The following RBPMS variants were observed in gnomAD, a reference collection of about 807,000 sequenced individuals.
RBPMS encodes RNA-binding protein with multiple splicing.
A neutral mutation model predicts 26.8 loss-of-function variants in RBPMS; 7 were observed. That is an observed-to-expected ratio of 0.26 (90% CI 0.15 to 0.49). The LOEUF is 0.49. Ranked by LOEUF, RBPMS falls within the 20% of genes least tolerant of loss-of-function variation. The pLI is 0.98. For missense variants in RBPMS, 186 were observed against 250.0 expected (o/e 0.74, Z 1.73); for synonymous variants, 96 against 93.3 (o/e 1.03, Z -0.17).
In RBPMS at chr8:30,434,373, T is replaced by C. The variant is rs534745210; in HGVS notation, c.67-40406T>C. On this transcript the variant is annotated intron_variant, in intron 1 of 8. Coordinates refer to ENST00000397323, the MANE Select transcript of RBPMS (RefSeq NM_001008710.3). ...TAGGGGAGTTACTATCATTGGTCTT[T>C]TGTGAACAAGACCAAGAACAAAAGA... 2.0e-5 allele frequency among the ~76,000 whole-genome samples: 3 copies of C among 152,142 alleles called. No individual in the cohort carries two copies. The South Asian group carries it at 6.2e-4, about 32-fold the overall frequency.
chr8:30,424,469 A>T (rs1190544899), intron 1 of RBPMS, among the ~76,000 whole-genome samples: 1 of 152,224 alleles, frequency 6.6e-6, no homozygotes, highest in Non-Finnish European at 1.5e-5. Context: ...CAGTCGGTCA[A>T]TAAGCCCAGC....
intron 5 of RBPMS, among the ~76,000 whole-genome samples, chr8:30,537,225 C>A (rs1824892650): frequency 6.6e-6 from 1 of 152,222 alleles, no homozygotes; most frequent in African/African-American, 2.4e-5. Context: ...GATTGCATCG[C>A]ATGATTTCTT....
intron 6 of RBPMS, 135 bp from the exon 7 acceptor site, chr8:30,558,752 A>C: frequency 1.3e-6 from 1 of 753,556 alleles, no homozygotes; most frequent in Non-Finnish European, 2.4e-6. Context: ...CCCCTTGGGG[A>C]AGAGGCCCTC....
At chr8:30,430,612 G>C (rs1279510914) in intron 1 of RBPMS, among the ~76,000 whole-genome samples, 1 of 152,222 alleles carries the variant, frequency 6.6e-6, no homozygotes, top group African/African-American at 2.4e-5. Flanking sequence ...AGAGAGTAGT[G>C]TTTAAGTTCC....
chr8:30,480,720 T>C (rs1818183570), intron 4 of RBPMS, among the ~76,000 whole-genome samples: 1 of 152,234 alleles, frequency 6.6e-6, no homozygotes, highest in South Asian at 2.1e-4. Context: ...TGTTTTGATA[T>C]AAAAGTTGTT....
chr8:30,554,899 C>T (rs1161741490), intron 6 of RBPMS, among the ~76,000 whole-genome samples: 7 of 152,158 alleles, frequency 4.6e-5, no homozygotes, highest in Non-Finnish European at 7.4e-5. Flanking sequence ...AAGGGGATAG[C>T]GCAATGCAAA....
At chr8:30,514,680 CTTTTTTTTTTTT>C (rs577244764) in intron 5 of RBPMS, among the ~76,000 whole-genome samples, 5 of 82,638 alleles carry the variant, frequency 6.1e-5, no homozygotes, top group Admixed American at 1.2e-4. Flanking sequence ...CCATGCCGGG[CTTTTTTTTTTTT>C]TTTTTTTTTT....
intron 5 of RBPMS, among the ~76,000 whole-genome samples, chr8:30,523,801 CAAGAA>C (rs1585757356): frequency 6.6e-6 from 1 of 152,030 alleles, no homozygotes; most frequent in Non-Finnish European, 1.5e-5. Context: ...AGTGGCTAGA[CAAGAA>C]AAGAGACTTT....
chr8:30,538,946 G>T (rs1825099482), intron 5 of RBPMS, among the ~76,000 whole-genome samples: 1 of 152,264 alleles, frequency 6.6e-6, no homozygotes, highest in African/African-American at 2.4e-5. Context: ...ACGGGAGCTG[G>T]CGTGGGCTAC....
chr8:30,560,714 T>C (rs1172313247), intron 7 of RBPMS, among the ~76,000 whole-genome samples: 6 of 152,186 alleles, frequency 3.9e-5, no homozygotes, highest in African/African-American at 7.2e-5. Flanking sequence ...TATTACCATA[T>C]GAACATCATG....
At chr8:30,545,400 T>A (rs1825790189) in intron 6 of RBPMS, 3 of 1,086,538 alleles carry the variant, frequency 2.8e-6, no homozygotes, top group Non-Finnish European at 3.4e-6. Flanking sequence ...AGTGTAAAGA[T>A]TCACCTCTGG....
chr8:30,522,113 A>AC (rs149265462), intron 5 of RBPMS, among the ~76,000 whole-genome samples: 6,364 of 152,120 alleles, frequency 0.042, 171 homozygotes, highest in South Asian at 0.064. Flanking sequence ...ACTTGATTTA[A>AC]CCATTCCACA....
At chr8:30,452,035 T>C (rs4236734) in intron 1 of RBPMS, among the ~76,000 whole-genome samples, 138,700 of 152,216 alleles carry the variant, frequency 0.91, 64,520 homozygotes, top group Non-Finnish European at 1. Flanking sequence ...ACAGGCCTTT[T>C]CTGTCAAGTG....
chr8:30,412,556 C>T (rs766478352), intron 1 of RBPMS, among the ~76,000 whole-genome samples: 1 of 151,942 alleles, frequency 6.6e-6, no homozygotes, highest in East Asian at 1.9e-4. Context: ...CCTCTCAAAA[C>T]CAATTATAGT....
intron 1 of RBPMS, among the ~76,000 whole-genome samples, chr8:30,416,300 G>A (rs918739412): frequency 6.6e-6 from 1 of 152,098 alleles, no homozygotes; most frequent in Admixed American, 6.6e-5. Context: ...CCCTCTTGGT[G>A]ATTTTCATTG....
chr8:30,549,634 G>T, intron 6 of RBPMS: 2 of 1,420,300 alleles, frequency 1.4e-6, no homozygotes, highest in Non-Finnish European at 2.0e-6. Flanking sequence ...GAGGAGGGGC[G>T]GACGGGGAGG....
At chr8:30,409,879 C>A (rs1809104463) in intron 1 of RBPMS, among the ~76,000 whole-genome samples, 2 of 152,106 alleles carry the variant, frequency 1.3e-5, no homozygotes, top group African/African-American at 4.8e-5. Flanking sequence ...GATCTGCCCA[C>A]CTTGGCCTCC....
intron 5 of RBPMS, among the ~76,000 whole-genome samples, chr8:30,543,174 C>A (rs143838771): frequency 3.7e-4 from 57 of 152,302 alleles, no homozygotes; most frequent in Non-Finnish European, 7.5e-4. Context: ...CTGAACGTAT[C>A]ATCAGCAGTC....
rs1220739837 is a variant in RBPMS at position 30,474,819 on chromosome 8, A to G, written c.107A>G (p.Lys36Arg). ...LFVSGLPLDI[K>R]PRELYLLFRP... ...GTCAGTGGCCTTCCTCTGGATATCA[A>G]ACCTCGGGAGCTCTATCTGCTTTTC... The change falls in exon 2 of 9, where the codon AAA (lysine) becomes AGA (arginine). Residue 36 changes from lysine to arginine, a missense_variant. Around this residue, in one of 3 missense-constraint regions of RBPMS, gnomAD observed 50 missense variants for 108.5 expected, o/e 0.46. Coordinates refer to ENST00000397323, the MANE Select transcript of RBPMS (RefSeq NM_001008710.3). 1 of 1,612,736 alleles carries G rather than the reference A, an allele frequency of 6.2e-7. No homozygotes were observed. The highest frequency in any genetic ancestry group is 2.2e-5 in the East Asian group (1 of 44,866).
Sources: allele counts gnomAD v4.1 joint callset (sites outside exome capture counted in the v4.1 genomes callset), GRCh38; gene constraint gnomAD v4.1.1; regional missense constraint gnomAD v4.1.1; transcripts MANE v1.5; gene names NCBI Gene and HGNC (gene_info 2026-07-23, HGNC 2026-07-21).